NCOA1: variants seen among roughly 807,000 people sequenced by gnomAD.
NCOA1 encodes Hin-2 protein.
Under a neutral mutation model 150.9 loss-of-function variants are expected in NCOA1, and 35 were observed. The observed-to-expected ratio is 0.23, with a 90% CI of 0.18 to 0.31. The LOEUF (loss-of-function observed/expected upper bound fraction) is 0.31, where lower values mean the gene tolerates loss of function less well. Ranked by LOEUF, NCOA1 falls within the 10% of genes least tolerant of loss-of-function variation. NCOA1 has a pLI of 1.00. For missense variants in NCOA1, 1,491 were observed against 1,749.3 expected, an observed-to-expected ratio of 0.85 and a Z score of 2.63; for synonymous variants, 590 against 630.0, an observed-to-expected ratio of 0.94 and a Z score of 0.95.
chr2:24,742,246 C>T (rs1663642967), intron 19 of NCOA1, 60 bp downstream of exon 19: 15 of 1,512,266 alleles, frequency 9.9e-6, no homozygotes, highest in African/African-American at 1.4e-5. Flanking sequence ...GGTCTCTCTC[C>T]ATCTTTATGT....
chr2:24,497,045 T>C (rs1663248197), intron 1 of NCOA1, among the ~76,000 whole-genome samples: 1 of 152,204 alleles, frequency 6.6e-6, no homozygotes, highest in Admixed American at 6.5e-5. Context: ...TTATTGAGTG[T>C]TGTCTCTGAG....
chr2:24,632,930 G>C (rs1348565872), intron 3 of NCOA1, among the ~76,000 whole-genome samples: 1 of 152,086 alleles, frequency 6.6e-6, no homozygotes, highest in Non-Finnish European at 1.5e-5. Flanking sequence ...TATATAACTA[G>C]AACTTTCCAT....
intron 4 of NCOA1, among the ~76,000 whole-genome samples, chr2:24,657,133 A>C (rs1244393341): frequency 6.6e-6 from 1 of 152,212 alleles, no homozygotes; most frequent in African/African-American, 2.4e-5. Flanking sequence ...CCGGCACGGA[A>C]GCCCATCCTT....
At chr2:24,532,498 T>C (rs1664943209) in intron 1 of NCOA1, among the ~76,000 whole-genome samples, 1 of 152,200 alleles carries the variant, frequency 6.6e-6, no homozygotes, top group Non-Finnish European at 1.5e-5. Flanking sequence ...TGCCATTGCT[T>C]TTGGTGTTTT....
intron 7 of NCOA1, among the ~76,000 whole-genome samples, chr2:24,674,155 A>G (rs966001056): frequency 2.5e-4 from 17 of 68,850 alleles, no homozygotes; most frequent in Admixed American, 1.3e-3. Flanking sequence ...GTGTGTGTAT[A>G]TATTTCTATC....
At chr2:24,574,041 A>G (rs1436274201) in intron 2 of NCOA1, among the ~76,000 whole-genome samples, 1 of 152,026 alleles carries the variant, frequency 6.6e-6, no homozygotes, top group African/African-American at 2.4e-5. Context: ...GAATTAAAAA[A>G]CAGAAACCAC....
In NCOA1 at chr2:24,608,638, T is replaced by C. The variant is rs937007369; in HGVS notation, c.-175+24078T>C. Reference sequence around the variant, plus strand: ...AACTAAGAGACTGACACTGGCTCACTGAACTTGACACCTTATTTAGATTTC... The same window carrying C: ...AACTAAGAGACTGACACTGGCTCACCGAACTTGACACCTTATTTAGATTTC... On this transcript the variant is annotated intron_variant, in intron 3 of 22. Coordinates refer to ENST00000348332, the MANE Select transcript of NCOA1 (RefSeq NM_003743.5). Among the ~76,000 whole-genome samples, 4 of 151,880 alleles carry C rather than the reference T, an allele frequency of 2.6e-5. No individual in the cohort carries two copies. In the East Asian group the frequency reaches 7.7e-4, roughly 29 times the overall value.
intron 16 of NCOA1, 79 bp from the exon 17 acceptor site, chr2:24,729,422 G>T (rs1199139925): frequency 7.5e-7 from 1 of 1,325,954 alleles, no homozygotes; most frequent in South Asian, 1.3e-5. Context: ...ATATATGATG[G>T]TGCTTTCTAG....
chr2:24,592,578 A>AT (rs145333073), intron 3 of NCOA1, among the ~76,000 whole-genome samples: 1,199 of 103,412 alleles, frequency 0.012, 11 homozygotes, highest in African/African-American at 0.026. Flanking sequence ...TCCCCTCCTA[A>AT]TTTTTTTTTT....
chr2:24,580,941 G>GC (rs948789373), intron 2 of NCOA1, among the ~76,000 whole-genome samples: 9 of 152,278 alleles, frequency 5.9e-5, no homozygotes, highest in Admixed American at 5.2e-4. Context: ...CTCTGGCCCT[G>GC]CCCCCGCATG....
At chr2:24,629,913 G>A (rs1436216299) in intron 3 of NCOA1, among the ~76,000 whole-genome samples, 6 of 145,504 alleles carry the variant, frequency 4.1e-5, no homozygotes, top group Admixed American at 2.1e-4. Flanking sequence ...GCGTGATCTC[G>A]GCTCACTGCA....
intron 14 of NCOA1, 170 bp downstream of exon 14, chr2:24,711,281 C>T: frequency 1.7e-6 from 1 of 600,234 alleles, no homozygotes; most frequent in Non-Finnish European, 2.7e-6. Flanking sequence ...CATCATTCAT[C>T]ATGTGTATTT....
At chr2:24,622,953 G>T (rs1280058447) in intron 3 of NCOA1, among the ~76,000 whole-genome samples, 1 of 152,150 alleles carries the variant, frequency 6.6e-6, no homozygotes, top group Non-Finnish European at 1.5e-5. Flanking sequence ...GCATGTGTTT[G>T]TGTATGACCA....
chr2:24,603,033 A>C lies in NCOA1; in HGVS notation c.-175+18473A>C, dbSNP rs1668199532. ...TTAAAAAAGATAAGACGTACCTACA[A>C]GATATTGTGGGTTCAGTTCCAGACT... On this transcript the variant is annotated intron_variant, in intron 3 of 22. Transcript: ENST00000348332. 2.0e-5 allele frequency among the ~76,000 whole-genome samples: 3 copies of C among 152,252 alleles called. No individual in the cohort carries two copies. In the South Asian group the frequency reaches 6.2e-4, roughly 31 times the overall value.
rs895462019 is a variant in NCOA1 at position 24,682,992 on chromosome 2, A to G, written c.396A>G (p.Arg132=). 1.2e-6 allele frequency: 2 copies of G among 1,604,828 alleles called. No individual in the cohort carries two copies. Among genetic ancestry groups the G allele is most frequent in the African/African-American group, 2.7e-5 (2 of 74,194 alleles). The change falls in exon 8 of 23, where the codon AGA becomes AGG. Residue 132 remains arginine, a synonymous_variant. Transcript: ENST00000348332. The stretch of plus-strand genomic sequence containing the variant: ...TCTTTGTTGTGAACTGTGAAGGGAG[A>G]ATTGTATTTGTGTCAGAGAATGTAA... ...GFFFVVNCEG[R]IVFVSENVTS...
intron 6 of NCOA1, 32 bp from the exon 7 acceptor site, chr2:24,673,334 A>G (rs762961203): frequency 1.6e-5 from 23 of 1,402,500 alleles, no homozygotes; most frequent in South Asian, 1.4e-5. Context: ...CTCTTTTCAG[A>G]TATGTGATTT....
At chr2:24,611,507 T>C in intron 3 of NCOA1, among the ~76,000 whole-genome samples, 1 of 152,144 alleles carries the variant, frequency 6.6e-6, no homozygotes, top group East Asian at 1.9e-4. Context: ...TGTAAGTTAT[T>C]TGAGAAACCT....
At chr2:24,653,058 G>A (rs1352475801) in intron 4 of NCOA1, among the ~76,000 whole-genome samples, 1 of 152,130 alleles carries the variant, frequency 6.6e-6, no homozygotes, top group East Asian at 1.9e-4. Flanking sequence ...TATTTCAGTA[G>A]GCCAGCCTGT....
At chr2:24,550,574 C>T (rs1038890890) in intron 1 of NCOA1, among the ~76,000 whole-genome samples, 6 of 152,192 alleles carry the variant, frequency 3.9e-5, no homozygotes, top group Non-Finnish European at 8.8e-5. Flanking sequence ...ATTCAGTTAC[C>T]TCCCTTCAGG....
Sources: gnomAD v4.1 joint callset for allele counts (sites outside exome capture counted in the v4.1 genomes callset) on GRCh38, gnomAD v4.1.1 for gene constraint, MANE v1.5 for transcripts, NCBI Gene and HGNC (gene_info 2026-07-23, HGNC 2026-07-21) for gene names.